LANCL1: variants seen among roughly 807,000 people sequenced by gnomAD.
LANCL1 encodes the protein glutathione S-transferase LANCL1.
LANCL1 carries 50 observed loss-of-function variants against 50.6 expected under a neutral mutation model. The observed-to-expected ratio is 0.99, with a 90% CI of 0.79 to 1.25. The LOEUF is 1.25. LANCL1 is among the 50% of genes most tolerant of loss of function. LANCL1 has a pLI of 0.00. For missense variants in LANCL1, 532 were observed against 480.7 expected, an observed-to-expected ratio of 1.11 and a Z score of -1.00; for synonymous variants, 188 against 178.6, an observed-to-expected ratio of 1.05 and a Z score of -0.42.
chr2:210,451,357 A>G (rs1017381666), intron 4 of LANCL1, among the ~76,000 whole-genome samples: 3 of 152,168 alleles, frequency 2.0e-5, no homozygotes, highest in Non-Finnish European at 4.4e-5. Context: ...TAGCATTAGG[A>G]TAAATACTTA....
At chr2:210,454,980 C>T (rs1233531851) in intron 4 of LANCL1, 127 bp downstream of exon 4, 1 of 719,852 alleles carries the variant, frequency 1.4e-6, no homozygotes, top group Non-Finnish European at 2.3e-6. Flanking sequence ...GACAATTGAT[C>T]AAATGACAGC....
chr2:210,464,897 C>T (rs1693993865), intron 3 of LANCL1, among the ~76,000 whole-genome samples: 2 of 145,382 alleles, frequency 1.4e-5, no homozygotes, highest in African/African-American at 5.4e-5. Flanking sequence ...ACCCGGGAAG[C>T]GGAGCTTGCA....
At chr2:210,447,876 A>G (rs907390562) in intron 4 of LANCL1, among the ~76,000 whole-genome samples, 3 of 152,186 alleles carry the variant, frequency 2.0e-5, no homozygotes, top group African/African-American at 7.2e-5. Context: ...GAGACCTACA[A>G]AGAGACTTAG....
At chr2:210,434,932 C>T (rs929396106) in intron 9 of LANCL1, among the ~76,000 whole-genome samples, 5 of 151,936 alleles carry the variant, frequency 3.3e-5, no homozygotes, top group East Asian at 1.9e-4. Context: ...AATCTATCTA[C>T]GTTTACATAC....
At chr2:210,470,716 A>T (rs759879384) in intron 3 of LANCL1, among the ~76,000 whole-genome samples, 11 of 152,132 alleles carry the variant, frequency 7.2e-5, no homozygotes, top group African/African-American at 1.2e-4. Context: ...ATTATTAATA[A>T]ATTTCTCTCA....
At chr2:210,470,944 CTG>C (rs536662556) in intron 3 of LANCL1, among the ~76,000 whole-genome samples, 13 of 151,778 alleles carry the variant, frequency 8.6e-5, no homozygotes, top group Non-Finnish European at 1.6e-4. Context: ...ATGGGAAACA[CTG>C]AGTCTCTAGA....
chr2:210,436,472 G>A, intron 7 of LANCL1, 80 bp from the exon 8 acceptor site: 1 of 1,352,580 alleles, frequency 7.4e-7, no homozygotes, highest in Non-Finnish European at 1.0e-6. Context: ...TAGATAAGAA[G>A]GAAAGAGGGA....
intron 4 of LANCL1, among the ~76,000 whole-genome samples, chr2:210,453,159 C>T (rs1214207515): frequency 6.6e-6 from 1 of 152,128 alleles, no homozygotes; most frequent in East Asian, 1.9e-4. Context: ...TTAACCTTAA[C>T]AAGCCTACTG....
At chr2:210,441,498 A>T in intron 4 of LANCL1, 55 bp from the exon 5 acceptor site, 1 of 1,466,766 alleles carries the variant, frequency 6.8e-7, no homozygotes, top group Non-Finnish European at 9.3e-7. Flanking sequence ...GTATTGGTGT[A>T]TACTTAAAAA....
intron 3 of LANCL1, among the ~76,000 whole-genome samples, chr2:210,459,424 T>C (rs1693774244): frequency 6.6e-6 from 1 of 152,160 alleles, no homozygotes; most frequent in Non-Finnish European, 1.5e-5. Context: ...CTGGTTCATC[T>C]AGAAGTGCAG....
chr2:210,464,685 G>A (rs1386707305), intron 3 of LANCL1, among the ~76,000 whole-genome samples: 1 of 151,982 alleles, frequency 6.6e-6, no homozygotes. Flanking sequence ...TATGCGTACA[G>A]GCCGGGCGCG....
intron 3 of LANCL1, among the ~76,000 whole-genome samples, chr2:210,466,930 G>C (rs1694080687): frequency 1.3e-5 from 2 of 151,490 alleles, no homozygotes; most frequent in South Asian, 4.2e-4. Flanking sequence ...TCATGAGAGA[G>C]ATGTGGATAT....
At chr2:210,459,849 A>AT (rs774653964) in intron 3 of LANCL1, among the ~76,000 whole-genome samples, 2,335 of 146,324 alleles carry the variant, frequency 0.016, 54 homozygotes, top group African/African-American at 0.053. Flanking sequence ...TGTGAACTAG[A>AT]TTTTTTTTTT....
chr2:210,451,405 T>C (rs956186520), intron 4 of LANCL1, among the ~76,000 whole-genome samples: 2 of 152,122 alleles, frequency 1.3e-5, no homozygotes, highest in Non-Finnish European at 2.9e-5. Flanking sequence ...CAAACCACCA[T>C]GGCACGTGTA....
chr2:210,447,950 G>A (rs1693394885), intron 4 of LANCL1, among the ~76,000 whole-genome samples: 1 of 151,980 alleles, frequency 6.6e-6, no homozygotes, highest in Non-Finnish European at 1.5e-5. Context: ...AGATCAACAA[G>A]CAGAAAATTA....
chr2:210,457,766 T>A (rs886247901), intron 3 of LANCL1, among the ~76,000 whole-genome samples: 2 of 152,188 alleles, frequency 1.3e-5, no homozygotes, highest in African/African-American at 4.8e-5. Context: ...ATGTGCTATC[T>A]GTTAAGTTTT....
intron 2 of LANCL1, among the ~76,000 whole-genome samples, chr2:210,473,174 G>A (rs1054412034): frequency 6.6e-6 from 1 of 152,124 alleles, no homozygotes; most frequent in Non-Finnish European, 1.5e-5. Context: ...TTAGGAGTTC[G>A]AGACCAGTCT....
At chr2:210,458,557 T>C (rs952900812) in intron 3 of LANCL1, among the ~76,000 whole-genome samples, 4 of 152,132 alleles carry the variant, frequency 2.6e-5, no homozygotes, top group Non-Finnish European at 4.4e-5. Flanking sequence ...GGGTGGGTGG[T>C]GCAATACAGA....
chr2:210,456,125 T>C (rs1033243518), intron 3 of LANCL1, among the ~76,000 whole-genome samples: 6 of 152,178 alleles, frequency 3.9e-5, no homozygotes, highest in Non-Finnish European at 5.9e-5. Context: ...TGAAGCTAAC[T>C]GGTCTCAGGG....
Sources: gnomAD v4.1 joint callset for allele counts (sites outside exome capture counted in the v4.1 genomes callset) on GRCh38, gnomAD v4.1.1 for gene constraint, MANE v1.5 for transcripts, NCBI Gene and HGNC (gene_info 2026-07-23, HGNC 2026-07-21) for gene names.